Variants in HNRNPH1 observed in about 807,000 individuals in gnomAD.
HNRNPH1 encodes the protein heterogeneous nuclear ribonucleoprotein H1.
A neutral mutation model predicts 58.6 loss-of-function variants in HNRNPH1; 4 were observed. The ratio of observed to expected loss-of-function variants is 0.07; its 90% CI spans 0.03 to 0.16. The LOEUF (loss-of-function observed/expected upper bound fraction) is 0.16, where lower values mean the gene tolerates loss of function less well. Ranked by LOEUF, HNRNPH1 falls within the 10% of genes least tolerant of loss-of-function variation. The probability of loss-of-function intolerance (pLI) is 1.00; values close to 1 mark genes in which losing one functional copy is unlikely to be tolerated. For missense variants in HNRNPH1, 271 were observed against 564.2 expected (o/e 0.48, Z 5.26); for synonymous variants, 192 against 189.2 (o/e 1.01, Z -0.12).
At chr5:179,625,114 C>T (rs546726321), upstream of HNRNPH1, among the ~76,000 whole-genome samples, 7 of 151,944 alleles carry the variant, frequency 4.6e-5, no homozygotes, top group East Asian at 1.4e-3. Flanking sequence ...GGGTGAATGA[C>T]GGTACATACC....
At chr5:179,626,832 AT>A (rs1391027213), upstream of HNRNPH1, among the ~76,000 whole-genome samples, 45 of 149,628 alleles carry the variant, frequency 3.0e-4, no homozygotes, top group Non-Finnish European at 6.7e-4. Flanking sequence ...CTGGAGTACA[AT>A]GGCGCGATCT....
At position 179,615,760 on chromosome 5, in the gene HNRNPH1, GACTT is replaced by G. The variant is rs1223209378; in HGVS notation, c.1301-169_1301-166del. ...TCAAATTCTCCCTCTGTCTAAAACTGACTTAATGCTAACCAAAAGACAAAAAAGT... is the reference window on the plus strand; with the variant it reads ...TCAAATTCTCCCTCTGTCTAAAACTGAATGCTAACCAAAAGACAAAAAAGT... On this transcript the variant is annotated intron_variant, in intron 11 of 12. Transcript: ENST00000356731. The G allele has an allele frequency of 5.7e-6, 3 of 528,420 alleles. No individual in the cohort carries two copies. The African/African-American group carries it at 5.8e-5, about 10-fold the overall frequency. 32.7% of individuals were successfully genotyped at this position (528,420 alleles called of 1,614,324 possible).
At chr5:179,622,904 A>AGGGGGCGCCG (rs1189594526) in intron 1 of HNRNPH1, 133 bp downstream of exon 2, 1 of 153,556 alleles carries the variant, frequency 6.5e-6, no homozygotes, top group African/African-American at 2.6e-5. Flanking sequence ...GCGCCTCGCC[A>AGGGGGCGCCG]GGGGGCGCCC....
exon 13 of HNRNPH1, chr5:179,614,347 T>TAAAA (rs36119714): frequency 6.9e-6 from 1 of 143,934 alleles, no homozygotes; most frequent in Non-Finnish European, 1.5e-5. Context: ...CCCATTAACT[T>TAAAA]AAAAAAAAAA....
chr5:179,633,938 A>AAAATG (rs1775054440), intron 2 of HNRNPH1: 1 of 152,104 alleles, frequency 6.6e-6, no homozygotes. Flanking sequence ...AAAATAAAAT[A>AAAATG]AAATAAAATA....
At chr5:179,629,823 G>C (rs1472372010) in intron 2 of HNRNPH1, among the ~76,000 whole-genome samples, 1 of 151,938 alleles carries the variant, frequency 6.6e-6, no homozygotes, top group African/African-American at 2.4e-5. Context: ...AAGAGTTGGA[G>C]ACCAGCCTGG....
chr5:179,625,970 G>A (rs1397140427), upstream of HNRNPH1, among the ~76,000 whole-genome samples: 2 of 121,888 alleles, frequency 1.6e-5, no homozygotes, highest in African/African-American at 2.9e-5. Context: ...TTTATTTTTT[G>A]TAGCAATGGG....
intron 11 of HNRNPH1, 127 bp from the exon 13 acceptor site, chr5:179,615,722 C>G (rs1001569695): frequency 1.8e-6 from 1 of 553,482 alleles, no homozygotes; most frequent in Non-Finnish European, 3.3e-6. Context: ...AACCCAACCA[C>G]CATTCTACTA....
chr5:179,617,414 G>A (rs900750950), intron 8 of HNRNPH1, 100 bp downstream of exon 9: 92 of 1,339,170 alleles, frequency 6.9e-5, no homozygotes, highest in Non-Finnish European at 8.8e-5. Context: ...TATTACTGGA[G>A]AGGAAACTTC....
chr5:179,632,751 A>ATTTTT (rs1774949107), intron 2 of HNRNPH1, among the ~76,000 whole-genome samples: 2 of 50,884 alleles, frequency 3.9e-5, no homozygotes, highest in African/African-American at 1.3e-4. Context: ...CAAATCAAAT[A>ATTTTT]TCTTTTTTTT....
At position 179,620,774 on chromosome 5, in the gene HNRNPH1, T is replaced by A. The variant is rs1019811514; in HGVS notation, c.397+118A>T. On this transcript the variant is annotated intron_variant, in intron 3 of 12. Transcript: ENST00000356731. ...AAGGTCTCTAGGAAGAAAACATTAA[T>A]TCATTGGCAATTTACAACCTACTGA... The A allele has an allele frequency of 4.6e-5, 38 of 821,154 alleles. No homozygotes were observed. The African/African-American group carries it at 6.3e-4, about 14-fold the overall frequency. 50.9% of individuals were successfully genotyped at this position (821,154 alleles called of 1,614,324 possible). A position where few individuals can be genotyped will look rare whatever the true frequency, so the allele number is the denominator to read the frequency against.
At chr5:179,621,676 C>T in intron 1 of HNRNPH1, 1 of 454,680 alleles carries the variant, frequency 2.2e-6, no homozygotes, top group Non-Finnish European at 4.0e-6. Context: ...CTACATCACA[C>T]ATCTTTTATC....
intron 2 of HNRNPH1, among the ~76,000 whole-genome samples, chr5:179,630,640 G>C (rs1023837533): frequency 5.3e-5 from 8 of 151,612 alleles, no homozygotes; most frequent in African/African-American, 1.9e-4. Context: ...GGCCTGACGC[G>C]GGGGCTCACG....
At chr5:179,624,796 C>T (rs1156836575), upstream of HNRNPH1, 1 of 388,870 alleles carries the variant, frequency 2.6e-6, no homozygotes, top group East Asian at 3.7e-5. Context: ...TGGACCCTGC[C>T]GCAGAGCTAC....
upstream of HNRNPH1, among the ~76,000 whole-genome samples, chr5:179,625,963 A>ATTTATTTTTTTT (rs1562362082): frequency 6.6e-6 from 1 of 150,930 alleles, no homozygotes; most frequent in African/African-American, 2.4e-5. Flanking sequence ...TTATTTATTT[A>ATTTATTTTTTTT]TTTTTTGTAG....
intron 3 of HNRNPH1, chr5:179,619,616 GTATA>G: frequency 2.8e-6 from 1 of 359,986 alleles, no homozygotes. Flanking sequence ...CCATGGTACA[GTATA>G]TATTAAAAAA....
exon 13 of HNRNPH1, chr5:179,614,788 A>T: frequency 2.1e-6 from 1 of 481,640 alleles, no homozygotes; most frequent in Non-Finnish European, 3.2e-6. Flanking sequence ...CTTAAAGAAA[A>T]AAAAAAAAAA....
chr5:179,616,794 A>G, intron 10 of HNRNPH1, 75 bp downstream of exon 11: 3 of 1,250,316 alleles, frequency 2.4e-6, no homozygotes, highest in Non-Finnish European at 3.4e-6. Flanking sequence ...TATTAAATAA[A>G]TAGATTAACT....
chr5:179,619,519 T>C, intron 3 of HNRNPH1, 112 bp from the exon 5 acceptor site: 4 of 866,048 alleles, frequency 4.6e-6, no homozygotes, highest in East Asian at 2.5e-5. Context: ...TTTAGGTGAA[T>C]GGTATGCTTT....
Sources: allele counts gnomAD v4.1 joint callset (sites outside exome capture counted in the v4.1 genomes callset), GRCh38; gene constraint gnomAD v4.1.1; transcripts MANE v1.5; gene names NCBI Gene and HGNC (gene_info 2026-07-23, HGNC 2026-07-21).